Variants in ZNF500 observed in about 807,000 individuals in gnomAD.
ZNF500 encodes the protein zinc finger protein with KRAB and SCAN domains 18.
In ZNF500, 31 loss-of-function variants were observed where a neutral mutation model predicts 30.1. The ratio of observed to expected loss-of-function variants is 1.03; its 90% CI spans 0.77 to 1.39. The LOEUF (loss-of-function observed/expected upper bound fraction) is 1.39, where lower values mean the gene tolerates loss of function less well. ZNF500 is among the 40% of genes most tolerant of loss of function. The pLI, the probability that ZNF500 is intolerant of heterozygous loss-of-function variation, is 0.00. For synonymous variants in ZNF500, 392 were observed against 282.0 expected (o/e 1.39, Z -3.91); for missense variants, 817 against 657.8 (o/e 1.24, Z -2.65).
chr16:4,761,048 C>G (rs1374497069), intron 4 of ZNF500, among the ~76,000 whole-genome samples: 1 of 152,070 alleles, frequency 6.6e-6, no homozygotes, highest in Non-Finnish European at 1.5e-5. Context: ...GGCAAATTCA[C>G]AGAGACAAGA....
rs772848846 is a variant in ZNF500 at position 4,765,908 on chromosome 16, A to G, written c.71T>C (p.Ile24Thr). ...GCAGAAGTCCTCCTCCACCTTCACA[A>G]TCAGGATCTCTTCCTGTTCCAGGTC... Reference protein sequence around the residue: ...EQDLEQEEILIVKVEEDFCLE... With the variant: ...EQDLEQEEILTVKVEEDFCLE... Residue 24 changes from isoleucine (I) to threonine (T), a missense_variant, in exon 2 of 6, where the codon ATT (isoleucine) becomes ACT (threonine). Physicochemically the swap from Ile to Thr is moderately conservative, Grantham distance 89. Coordinates refer to ENST00000219478, the MANE Select transcript of ZNF500 (RefSeq NM_021646.4). 4 of 1,612,032 alleles carry G rather than the reference A, an allele frequency of 2.5e-6. No individual in the cohort carries two copies. The African/African-American group carries it at 5.3e-5, about 22-fold the overall frequency.
chr16:4,752,722 G>C lies in ZNF500; in HGVS notation c.1097C>G (p.Ser366Cys). ...CACCCTCTGGTGCGTGCTGAAGTTG[G>C]AGCGGTCGCTAAAGCCCTTCCCACA... is the stretch of plus-strand genomic sequence containing the variant. ...LVCGKGFSDR[S>C]NFSTHQRVHT... The change falls in exon 6 of 6, where the codon TCC (serine) becomes TGC (cysteine). Residue 366 changes from serine (S) to cysteine (C), a missense_variant. Ser to Cys is a moderately radical substitution (Grantham distance 112). Transcript: ENST00000219478. The C allele has an allele frequency of 6.2e-7, 1 of 1,614,216 alleles. No individual in the cohort carries two copies. Among genetic ancestry groups the C allele is most frequent in the Non-Finnish European group, 8.5e-7 (1 of 1,180,032 alleles).
Position 4,765,824 on chromosome 16 carries a change from A to T in ZNF500, c.155T>A (p.Leu52His). The T allele has an allele frequency of 3.1e-6, 5 of 1,613,568 alleles. No homozygotes were observed. Among genetic ancestry groups the T allele is most frequent in the Non-Finnish European group, 3.4e-6 (4 of 1,179,970 alleles). ...CTCCTGGTAGCAGAAGAGCCGGAAG[A>T]GCTGGCGGAAAGTCTCAGGGCTGGG... ...EDPSPETFRQLFRLFCYQEVA... is the reference protein window; with the variant it reads ...EDPSPETFRQHFRLFCYQEVA... The change falls in exon 2 of 6, where the codon CTC becomes CAC. Residue 52 changes from leucine (L) to histidine (H), a missense_variant. Transcript: ENST00000219478.
chr16:4,747,272 T>C, downstream of ZNF500: 2 of 1,484,536 alleles, frequency 1.3e-6, no homozygotes, highest in African/African-American at 1.4e-5. Context: ...GCTTTTCTCC[T>C]GTTTCAGTAA....
intron 5 of ZNF500, among the ~76,000 whole-genome samples, chr16:4,759,786 C>A (rs1233222602): frequency 6.6e-6 from 1 of 152,074 alleles, no homozygotes; most frequent in East Asian, 1.9e-4. Flanking sequence ...CCTGTCATCC[C>A]AGCACTTTGG....
At chr16:4,747,757 C>T (rs1244319884), downstream of ZNF500, 12 of 1,220,668 alleles carry the variant, frequency 9.8e-6, no homozygotes, top group East Asian at 5.2e-5. Flanking sequence ...GACCCTCAGA[C>T]TTTGGACTGT....
At position 4,752,660 on chromosome 16, in the gene ZNF500, C is replaced by T. The variant is rs768932191; in HGVS notation, c.1159G>A (p.Gly387Arg). The change falls in exon 6 of 6, where the codon GGG becomes AGG. Residue 387 changes from glycine to arginine, a missense_variant. Physicochemically the swap from Gly to Arg is moderately radical, Grantham distance 125. Transcript: ENST00000219478. ...GEKPYPCPEC[G>R]KRFSQSSSLV... ...CTGGAGCTCTGGCTGAAGCGCTTCC[C>T]ACACTCGGGGCACGGGTAGGGCTTC... 5.7e-5 allele frequency: 92 copies of T among 1,613,400 alleles called. No individual in the cohort carries two copies. Among genetic ancestry groups the T allele is most frequent in the Non-Finnish European group, 7.0e-5 (82 of 1,179,804 alleles).
intron 5 of ZNF500, 160 bp from the exon 6 acceptor site, chr16:4,753,218 T>G: frequency 7.4e-7 from 1 of 1,348,970 alleles, no homozygotes; most frequent in South Asian, 2.0e-5. Context: ...CCCAGCACTT[T>G]GGAAGGCTGA....
rs919474176 is a variant in ZNF500 at position 4,748,290 on chromosome 16, A to G, written c.*4086T>C. 2 of 148,530 alleles carry G rather than the reference A, an allele frequency of 1.3e-5. No individual in the cohort carries two copies. The highest frequency in any genetic ancestry group is 3.0e-5 in the Non-Finnish European group (2 of 67,598). 9.2% of individuals were successfully genotyped at this position (148,530 alleles called of 1,614,324 possible). On this transcript the variant is annotated 3_prime_UTR_variant, in exon 6 of 6. Coordinates refer to ENST00000219478, the MANE Select transcript of ZNF500 (RefSeq NM_021646.4). ...CCAGGTTGGTCTGGAACTCCTCTCAATCCTCCTGCCTAGGCCTTCCACAGT... is the reference window on the plus strand; with the variant it reads ...CCAGGTTGGTCTGGAACTCCTCTCAGTCCTCCTGCCTAGGCCTTCCACAGT...
downstream of ZNF500, chr16:4,747,609 C>T (rs750998553): frequency 6.2e-7 from 1 of 1,607,654 alleles, no homozygotes; most frequent in Non-Finnish European, 8.5e-7. Context: ...CTGATGCCTC[C>T]TCTGGAGCAA....
At chr16:4,761,832 G>A (rs1456420108) in intron 4 of ZNF500, among the ~76,000 whole-genome samples, 1 of 151,944 alleles carries the variant, frequency 6.6e-6, no homozygotes, top group Non-Finnish European at 1.5e-5. Flanking sequence ...ACTCCAGCGT[G>A]AGCACAGAGC....
chr16:4,745,131 A>G, downstream of ZNF500: 1 of 1,318,902 alleles, frequency 7.6e-7, no homozygotes, highest in South Asian at 1.4e-5. Context: ...GTCACTCTCA[A>G]GCATCTGATC....
rs1319860154 is a variant in ZNF500 at position 4,752,633 on chromosome 16, G to A, written c.1186C>T (p.Leu396=). ...CGKRFSQSSS[L]VIHRRTHSGE... Reference sequence around the variant, plus strand: ...CTGTGTGTCCTGCGGTGGATGACCAGGCTGGAGCTCTGGCTGAAGCGCTTC... The same window carrying A: ...CTGTGTGTCCTGCGGTGGATGACCAAGCTGGAGCTCTGGCTGAAGCGCTTC... The change falls in exon 6 of 6, where the codon CTG becomes TTG. Residue 396 remains leucine (L), a synonymous_variant. Transcript: ENST00000219478. The A allele has an allele frequency of 6.2e-7, 1 of 1,610,900 alleles. No individual in the cohort carries two copies. Among genetic ancestry groups the A allele is most frequent in the South Asian group, 1.1e-5 (1 of 90,838 alleles).
chr16:4,762,846 C>G, intron 2 of ZNF500, 90 bp from the exon 3 acceptor site: 1 of 1,473,480 alleles, frequency 6.8e-7, no homozygotes, highest in Non-Finnish European at 9.0e-7. Flanking sequence ...CTCAGGCACC[C>G]CAGCCGGCTG....
intron 1 of ZNF500, 71 bp from the exon 2 acceptor site, chr16:4,766,147 C>A: frequency 1.4e-6 from 1 of 717,828 alleles, no homozygotes; most frequent in East Asian, 3.1e-5. Flanking sequence ...CTGGGAAGCC[C>A]CTGCCCTGGT....
chr16:4,757,835 C>T (rs915568515), intron 5 of ZNF500, among the ~76,000 whole-genome samples: 1 of 151,410 alleles, frequency 6.6e-6, no homozygotes, highest in Non-Finnish European at 1.5e-5. Context: ...ATCTCCTGAC[C>T]TCATGATCCA....
Position 4,751,800 on chromosome 16 carries a change from C to G in ZNF500, c.*576G>C, listed in dbSNP as rs2082080557. 1 of 694,990 alleles carries G rather than the reference C, an allele frequency of 1.4e-6. No individual in the cohort carries two copies. The highest frequency in any genetic ancestry group is 2.4e-6 in the Non-Finnish European group (1 of 411,242). The allele number at this position is 694,990 out of a possible 1,614,324, so 43.1% of individuals were successfully genotyped here. ...GCACACACCTGTAACCCCAGCTACT[C>G]AGGAGGATGAGGCAGGAGGAACACT... is the stretch of plus-strand genomic sequence containing the variant. On this transcript the variant is annotated 3_prime_UTR_variant, in exon 6 of 6. Coordinates refer to ENST00000219478, the MANE Select transcript of ZNF500 (RefSeq NM_021646.4).
At chr16:4,762,839 A>G in intron 2 of ZNF500, 83 bp from the exon 3 acceptor site, 1 of 1,464,168 alleles carries the variant, frequency 6.8e-7, no homozygotes, top group Non-Finnish European at 9.0e-7. Context: ...CCCTCATCTC[A>G]GGCACCCCAG....
rs144138931 is a variant in ZNF500 at position 4,757,706 on chromosome 16, G to A, written c.760+2786C>T. On this transcript the variant is annotated intron_variant, in intron 5 of 5. Transcript: ENST00000219478. ...CAACCTCCGCCTCCCGGGTTCAAGCGATTCTCCTGCCTCAGCCTCCCGAGT... is the reference window on the plus strand; with the variant it reads ...CAACCTCCGCCTCCCGGGTTCAAGCAATTCTCCTGCCTCAGCCTCCCGAGT... Among the ~76,000 whole-genome samples the A allele has an allele frequency of 8.2e-3, 1,232 of 150,290 alleles. 15 individuals carry two copies. The highest frequency in any genetic ancestry group is 0.029 in the African/African-American group (1,165 of 40,870).
Sources: gnomAD v4.1 joint callset for allele counts (sites outside exome capture counted in the v4.1 genomes callset) on GRCh38, gnomAD v4.1.1 for gene constraint, MANE v1.5 for transcripts, NCBI Gene and HGNC (gene_info 2026-07-23, HGNC 2026-07-21) for gene names.